The following KMT2C variants were observed in gnomAD, a reference collection of about 807,000 sequenced individuals.
KMT2C encodes lysine methyltransferase 2C.
Under a neutral mutation model 507.9 loss-of-function variants are expected in KMT2C, and 88 were observed. That is an observed-to-expected ratio of 0.17 (90% CI 0.15 to 0.21). The LOEUF is 0.21. Ranked by LOEUF, KMT2C falls within the 10% of genes least tolerant of loss-of-function variation. The pLI is 1.00. For missense variants in KMT2C, 4,954 were observed against 5,957.8 expected (o/e 0.83, Z 5.55); for synonymous variants, 2,049 against 2,080.8 (o/e 0.98, Z 0.42).
chr7:152,393,995 T>C (rs1589700765), intron 1 of KMT2C, among the ~76,000 whole-genome samples: 1 of 152,366 alleles, frequency 6.6e-6, no homozygotes, highest in African/African-American at 2.4e-5. Context: ...ACTTCATCTT[T>C]ACTGGTCATT....
rs531536168 is a variant in KMT2C, at chr7:152,145,036, T to C, written c.14174+117A>G. 399 of 1,396,388 alleles carry C rather than the reference T, an allele frequency of 2.9e-4. 2 individuals carry two copies. In the African/African-American group the frequency reaches 5.3e-3, roughly 18 times the overall value. 86.5% of individuals were successfully genotyped at this position (1,396,388 alleles called of 1,614,324 possible). The stretch of plus-strand genomic sequence containing the variant: ...ACACACGGCGAGTTCTCTTATGTAG[T>C]TGGGCACATACACAGCCAGACAGCA... On this transcript the variant is annotated intron_variant, in intron 54 of 58. Coordinates refer to ENST00000262189, the MANE Select transcript of KMT2C (RefSeq NM_170606.3).
intron 27 of KMT2C, 45 bp downstream of exon 27, chr7:152,199,234 A>C (rs972863999): frequency 4.2e-6 from 6 of 1,429,784 alleles, no homozygotes; most frequent in Non-Finnish European, 5.7e-6. Context: ...AGGAAGATGT[A>C]TGTTATATGA....
chr7:152,311,644 T>C (rs1197969430), intron 5 of KMT2C, among the ~76,000 whole-genome samples, 154 bp downstream of exon 5: 1 of 152,224 alleles, frequency 6.6e-6, no homozygotes, highest in Non-Finnish European at 1.5e-5. Context: ...CCTTTTCTTT[T>C]ACCTAACCAG....
intron 36 of KMT2C, 126 bp from the exon 37 acceptor site, chr7:152,180,252 C>T (rs1423843963): frequency 1.1e-6 from 1 of 951,298 alleles, no homozygotes; most frequent in Non-Finnish European, 1.6e-6. Context: ...AATTCCTGGA[C>T]TCAAGTGATC....
intron 1 of KMT2C, among the ~76,000 whole-genome samples, chr7:152,416,371 C>T (rs1346590334): frequency 6.6e-6 from 1 of 152,218 alleles, no homozygotes; most frequent in Non-Finnish European, 1.5e-5. Flanking sequence ...CGGTGAAACC[C>T]CATCTCTATT....
intron 1 of KMT2C, among the ~76,000 whole-genome samples, chr7:152,366,371 T>A (rs568447145): frequency 1.3e-5 from 2 of 152,340 alleles, no homozygotes; most frequent in African/African-American, 4.8e-5. Context: ...ACATACCACA[T>A]TGGCAGTATG....
At chr7:152,379,755 CAA>C (rs1426582700) in intron 1 of KMT2C, among the ~76,000 whole-genome samples, 1 of 141,684 alleles carries the variant, frequency 7.1e-6, no homozygotes, top group Non-Finnish European at 1.6e-5. Context: ...AAAGACATGA[CAA>C]GAGAGAAAAA....
At chr7:152,427,055 G>A (rs909593027) in intron 1 of KMT2C, among the ~76,000 whole-genome samples, 5 of 151,428 alleles carry the variant, frequency 3.3e-5, no homozygotes, top group South Asian at 2.1e-4. Context: ...TCACTCTGTC[G>A]CCCAGGCTGG....
At chr7:152,368,367 G>A in intron 1 of KMT2C, 1 of 1,122,190 alleles carries the variant, frequency 8.9e-7, no homozygotes, top group South Asian at 1.3e-5. Context: ...TGGCACAAAT[G>A]GAAGAAGAAA....
Position 152,325,630 on chromosome 7 carries a change from G to A in KMT2C, c.389+4971C>T, listed in dbSNP as rs567955930. Among the ~76,000 whole-genome samples, 11 of 151,996 alleles carry A rather than the reference G, an allele frequency of 7.2e-5. No homozygotes were observed. In the South Asian group the frequency reaches 2.3e-3, roughly 32 times the overall value. On this transcript the variant is annotated intron_variant, in intron 3 of 58. Coordinates refer to ENST00000262189, the MANE Select transcript of KMT2C (RefSeq NM_170606.3). Reference sequence around the variant, plus strand: ...TACTAATTTTTGTATTTTTTGTAGAGACAGGGCTTTGTCATGTTCAAGTCA... The same window carrying A: ...TACTAATTTTTGTATTTTTTGTAGAAACAGGGCTTTGTCATGTTCAAGTCA...
chr7:152,313,210 C>T lies in KMT2C; in HGVS notation c.591-1264G>A, dbSNP rs537010897. Among the ~76,000 whole-genome samples the T allele has an allele frequency of 2.0e-5, 3 of 148,024 alleles. No individual in the cohort carries two copies. The South Asian group carries it at 6.2e-4, about 31-fold the overall frequency. On this transcript the variant is annotated intron_variant, in intron 4 of 58. Transcript: ENST00000262189. ...TCTCTATTCCTACAAATATATGCTC[C>T]ATTACAAATCATTGTTATTTTATTG...
intron 2 of KMT2C, among the ~76,000 whole-genome samples, chr7:152,336,913 C>A (rs2096940692): frequency 6.6e-6 from 1 of 152,146 alleles, no homozygotes; most frequent in Non-Finnish European, 1.5e-5. Flanking sequence ...TAAGGACAGG[C>A]AAGGCGATTT....
intron 51 of KMT2C, among the ~76,000 whole-genome samples, chr7:152,149,878 A>G (rs762660024): frequency 2.3e-4 from 35 of 152,312 alleles, no homozygotes; most frequent in Non-Finnish European, 4.3e-4. Flanking sequence ...GCCTTATACC[A>G]AATCAGGCAG....
In KMT2C at chr7:152,148,830, A is replaced by T. The variant is rs1249814377; in HGVS notation, c.13097T>A (p.Ile4366Asn). The change falls in exon 52 of 59, where the codon ATC (isoleucine) becomes AAC (asparagine). Residue 4366 changes from isoleucine to asparagine, a missense_variant. Coordinates refer to ENST00000262189, the MANE Select transcript of KMT2C (RefSeq NM_170606.3). This position sits in a 1 kb window ranked among gnomAD's most constrained non-coding sequence, Gnocchi z 7.1. ...AGGTGGTTTAAATGTCCCCTTAGGG[A>T]TTACAATATGAATGCTCCACTTCTT... ...KWKKWSIHIV[I>N]PKGTFKPPCE... 1 of 1,614,196 alleles carries T rather than the reference A, an allele frequency of 6.2e-7. No homozygotes were observed. The highest frequency in any genetic ancestry group is 2.2e-5 in the East Asian group (1 of 44,890).
rs149975055 is a variant in KMT2C at position 152,422,136 on chromosome 7, C to T, written c.161+13490G>A. 1.4e-3 allele frequency among the ~76,000 whole-genome samples: 220 copies of T among 152,040 alleles called. 1 individual carries two copies. Among genetic ancestry groups the T allele is most frequent in the African/African-American group, 5.0e-3 (208 of 41,492 alleles). On this transcript the variant is annotated intron_variant, in intron 1 of 58. Coordinates refer to ENST00000262189, the MANE Select transcript of KMT2C (RefSeq NM_170606.3). Reference sequence around the variant, plus strand: ...ATACATACTTCTACTACTTCCTCACCATGCTGAGGTCAAAAACTGGAGGCT... The same window carrying T: ...ATACATACTTCTACTACTTCCTCACTATGCTGAGGTCAAAAACTGGAGGCT...
intron 6 of KMT2C, among the ~76,000 whole-genome samples, chr7:152,293,510 G>T (rs1414030761): frequency 1.3e-5 from 2 of 152,082 alleles, no homozygotes; most frequent in Non-Finnish European, 2.9e-5. Context: ...TACAGGCAAA[G>T]AATTTTACCA....
chr7:152,156,457 G>A (rs2092053191), intron 44 of KMT2C, 111 bp from the exon 45 acceptor site: 2 of 1,351,286 alleles, frequency 1.5e-6, no homozygotes, highest in Admixed American at 2.3e-5. Context: ...CTACAGAAAT[G>A]TAATCAAGAT....
intron 3 of KMT2C, among the ~76,000 whole-genome samples, chr7:152,322,939 G>T (rs1427981523): frequency 6.6e-6 from 1 of 151,950 alleles, no homozygotes; most frequent in Non-Finnish European, 1.5e-5. Context: ...ACTCATTAGG[G>T]AAATGAAAAT....
At chr7:152,414,137 G>C (rs1403197066) in intron 1 of KMT2C, among the ~76,000 whole-genome samples, 2 of 151,544 alleles carry the variant, frequency 1.3e-5, no homozygotes, top group African/African-American at 4.9e-5. Flanking sequence ...TTGAACCCAG[G>C]AGGCAGAGGT....
Sources: gnomAD v4.1 joint callset for allele counts (sites outside exome capture counted in the v4.1 genomes callset) on GRCh38, gnomAD v4.1.1 for gene constraint, Gnocchi (gnomAD v3.1) non-coding constraint, MANE v1.5 for transcripts, NCBI Gene and HGNC (gene_info 2026-07-23, HGNC 2026-07-21) for gene names.